SIPA1L2: variants seen among roughly 807,000 people sequenced by gnomAD.
The protein encoded by SIPA1L2 is signal-induced proliferation-associated 1-like protein 2.
In SIPA1L2, 56 loss-of-function variants were observed where a neutral mutation model predicts 163.9. The ratio of observed to expected loss-of-function variants is 0.34; its 90% confidence interval spans 0.28 to 0.43. The LOEUF is 0.43. Among genes scored for constraint, SIPA1L2 ranks in the 20% least tolerant of loss-of-function variants. SIPA1L2 has a pLI of 1.00. For missense variants in SIPA1L2, 1,974 were observed against 2,193.5 expected (o/e 0.90, Z 2.00); for synonymous variants, 877 against 865.7 (o/e 1.01, Z -0.23).
In SIPA1L2 at chr1:232,460,881, CCTT is replaced by C. The variant is rs777189518; in HGVS notation, c.3095+3_3095+5del. On this transcript the variant is annotated splice_donor_5th_base_variant and intron_variant, in intron 10 of 22. Coordinates refer to ENST00000674635, the MANE Select transcript of SIPA1L2 (RefSeq NM_020808.5). ...GTGAGCATTACTTGGGCCTCCCACGCCTTACCTTCGGGGCGAGCCGTCATCATG... is the reference window on the plus strand; with the variant it reads ...GTGAGCATTACTTGGGCCTCCCACGCACCTTCGGGGCGAGCCGTCATCATG... 1.9e-6 allele frequency: 3 copies of C among 1,610,924 alleles called. No individual in the cohort carries two copies. The South Asian group carries it at 3.3e-5, about 18-fold the overall frequency.
chr1:232,590,102 T>C (rs1428794438), intron 1 of SIPA1L2, among the ~76,000 whole-genome samples: 2 of 152,038 alleles, frequency 1.3e-5, no homozygotes, highest in African/African-American at 2.4e-5. Context: ...GGGAATTCCA[T>C]CTCTCCTATC....
Position 232,585,167 on chromosome 1 carries a change from A to G in SIPA1L2, c.-318-10945T>C, listed in dbSNP as rs370675332. Reference sequence around the variant, plus strand: ...ATGAAACCATTTGAAATGTAATAAAAGTGAATAATCTTTACCTATCCATTT... The same window carrying G: ...ATGAAACCATTTGAAATGTAATAAAGGTGAATAATCTTTACCTATCCATTT... On this transcript the variant is annotated intron_variant, in intron 1 of 22. Coordinates refer to ENST00000674635, the MANE Select transcript of SIPA1L2 (RefSeq NM_020808.5). Among the ~76,000 whole-genome samples, 54 of 152,378 alleles carry G rather than the reference A, an allele frequency of 3.5e-4. No individual in the cohort carries two copies. The South Asian group carries it at 0.01, about 29-fold the overall frequency.
chr1:232,484,018 A>C (rs2102979216), intron 5 of SIPA1L2, 52 bp from the exon 6 acceptor site: 1 of 1,524,062 alleles, frequency 6.6e-7, no homozygotes, highest in South Asian at 1.2e-5. Context: ...AGACAAGCTA[A>C]CTTCCAGTAA....
chr1:232,446,522 G>GA (rs1340259638), intron 10 of SIPA1L2, among the ~76,000 whole-genome samples: 3 of 152,140 alleles, frequency 2.0e-5, no homozygotes, highest in South Asian at 4.1e-4. Flanking sequence ...TAAACTTGTA[G>GA]AAAAAATCAT....
chr1:232,527,437 C>T (rs1403374857), intron 2 of SIPA1L2, among the ~76,000 whole-genome samples: 1 of 152,138 alleles, frequency 6.6e-6, no homozygotes, highest in Non-Finnish European at 1.5e-5. Flanking sequence ...ATTCACTAGG[C>T]ACAGGGAGCA....
intron 1 of SIPA1L2, among the ~76,000 whole-genome samples, chr1:232,587,751 T>C (rs1290881511): frequency 6.6e-6 from 1 of 152,174 alleles, no homozygotes; most frequent in Non-Finnish European, 1.5e-5. Context: ...GTAGCTCCCA[T>C]AATTCCCTCG....
intron 10 of SIPA1L2, among the ~76,000 whole-genome samples, chr1:232,459,102 G>C (rs183555982): frequency 7.2e-5 from 11 of 152,316 alleles, no homozygotes; most frequent in Non-Finnish European, 1.5e-4. Flanking sequence ...AAAGATTTTT[G>C]CAAGATTTTG....
At chr1:232,491,332 T>C (rs1019172697) in intron 4 of SIPA1L2, among the ~76,000 whole-genome samples, 3 of 152,030 alleles carry the variant, frequency 2.0e-5, no homozygotes, top group African/African-American at 7.3e-5. Context: ...GGCAGAGCAA[T>C]GCTATGAAAA....
intron 2 of SIPA1L2, among the ~76,000 whole-genome samples, chr1:232,569,735 C>G (rs1400669309): frequency 6.6e-6 from 1 of 152,208 alleles, no homozygotes; most frequent in Non-Finnish European, 1.5e-5. Flanking sequence ...ACCGCTTGAA[C>G]CCAGGAGGCG....
At chr1:232,468,199 G>GAAACGAGAATTTACACTTTGGGAACAAAT (rs1274907285) in intron 8 of SIPA1L2, among the ~76,000 whole-genome samples, 7 of 152,184 alleles carry the variant, frequency 4.6e-5, no homozygotes. Flanking sequence ...AATTCCCATT[G>GAAACGAGAATTTACACTTTGGGAACAAAT]TGTGGAAACG....
rs763282388 is a variant in SIPA1L2 at position 232,432,390 on chromosome 1, C to T, written c.4113G>A (p.Val1371=). 1.7e-5 allele frequency: 28 copies of T among 1,614,094 alleles called. No individual in the cohort carries two copies. The highest frequency in any genetic ancestry group is 2.3e-5 in the Non-Finnish European group (27 of 1,180,054). ...GAACCTGTTGTCCGCTGCTGTGAGA[C>T]ACGATGTAGACTTTGGATGAATCCA... ...GSLDSSKVYI[V]SHSSGQQVPG... is the part of the protein sequence containing the mutation. The change falls in exon 16 of 23, where the codon GTG becomes GTA. Residue 1371 remains valine, a synonymous_variant. Coordinates refer to ENST00000674635, the MANE Select transcript of SIPA1L2 (RefSeq NM_020808.5).
chr1:232,402,229 G>C (rs942846460), intron 22 of SIPA1L2, among the ~76,000 whole-genome samples, 163 bp downstream of exon 22: 1 of 152,212 alleles, frequency 6.6e-6, no homozygotes, highest in African/African-American at 2.4e-5. Context: ...TCAGCTGCAG[G>C]TCAGCAGATG....
intron 3 of SIPA1L2, among the ~76,000 whole-genome samples, chr1:232,510,968 T>G (rs1360348719): frequency 6.6e-6 from 1 of 152,206 alleles, no homozygotes; most frequent in African/African-American, 2.4e-5. Context: ...ACCTGGGGAT[T>G]TCAGGGCATA....
chr1:232,458,443 T>C (rs1457759314), intron 10 of SIPA1L2, among the ~76,000 whole-genome samples: 2 of 152,254 alleles, frequency 1.3e-5, no homozygotes, highest in African/African-American at 2.4e-5. Context: ...TCCTCCTAAA[T>C]TGTATTTCTA....
Position 232,407,967 on chromosome 1 carries a change from C to T in SIPA1L2, c.4763-3789G>A, listed in dbSNP as rs937103751. On this transcript the variant is annotated intron_variant, in intron 19 of 22. Transcript: ENST00000674635. ...TTTCTGGTCGGGTTTGTTCCCATTA[C>T]CATGTTTAACGGGGGACGAAAGCCA... 4.6e-5 allele frequency among the ~76,000 whole-genome samples: 7 copies of T among 152,242 alleles called. No individual in the cohort carries two copies. In the South Asian group the frequency reaches 8.3e-4, roughly 18 times the overall value.
intron 3 of SIPA1L2, among the ~76,000 whole-genome samples, chr1:232,507,323 C>T (rs1002615541): frequency 6.6e-5 from 10 of 152,188 alleles, no homozygotes; most frequent in Non-Finnish European, 2.9e-5. Context: ...GGAGAGGAAG[C>T]CTGCAGAAGA....
chr1:232,427,789 C>G (rs1466904993), intron 17 of SIPA1L2, among the ~76,000 whole-genome samples: 1 of 152,216 alleles, frequency 6.6e-6, no homozygotes, highest in Non-Finnish European at 1.5e-5. Flanking sequence ...TAAGCATGAC[C>G]TTCCCTATGA....
intron 11 of SIPA1L2, among the ~76,000 whole-genome samples, chr1:232,444,908 A>G (rs1663120196): frequency 6.6e-6 from 1 of 152,238 alleles, no homozygotes; most frequent in Non-Finnish European, 1.5e-5. Flanking sequence ...GAATAAAAGG[A>G]GTACGAATTA....
chr1:232,496,542 A>G (rs1213525361), intron 3 of SIPA1L2, among the ~76,000 whole-genome samples: 1 of 148,422 alleles, frequency 6.7e-6, no homozygotes, highest in Non-Finnish European at 1.5e-5. Flanking sequence ...TTTTAAGAAG[A>G]GCTGATCCAG....
Sources: allele counts gnomAD v4.1 joint callset (sites outside exome capture counted in the v4.1 genomes callset), GRCh38; gene constraint gnomAD v4.1.1; transcripts MANE v1.5; gene names NCBI Gene and HGNC (gene_info 2026-07-23, HGNC 2026-07-21).